Variants in SNTG2 observed in about 807,000 individuals in gnomAD.
The protein encoded by SNTG2 is syntrophin gamma 2, also known as gamma-2-syntrophin.
A neutral mutation model predicts 70.9 loss-of-function variants in SNTG2; 74 were observed. That is an observed-to-expected ratio of 1.04 (90% CI 0.86 to 1.27). SNTG2 has a LOEUF of 1.27. Ranked by LOEUF, SNTG2 falls within the 50% of genes most tolerant of loss-of-function variation. The pLI, the probability that SNTG2 is intolerant of heterozygous loss-of-function variation, is 0.00. For missense variants in SNTG2, 717 were observed against 690.7 expected, an observed-to-expected ratio of 1.04 and a Z score of -0.43; for synonymous variants, 278 against 273.8, an observed-to-expected ratio of 1.02 and a Z score of -0.15.
At chr2:1,062,128 AGCTT>A (rs2148115711) in intron 1 of SNTG2, among the ~76,000 whole-genome samples, 1 of 152,308 alleles carries the variant, frequency 6.6e-6, no homozygotes, top group South Asian at 2.1e-4. Context: ...GAAAATAAAA[AGCTT>A]AATTAGAGGG....
rs564136586 is a variant in SNTG2, at chr2:1,083,758, T to C, written c.210+103T>C. ...AGAATGATTGCTGAGCAAAAGCTGC[T>C]ACTCGTTATTTAAATATCCCCAACT... is the stretch of plus-strand genomic sequence containing the variant. On this transcript the variant is annotated intron_variant, in intron 2 of 16. Transcript: ENST00000308624. The C allele has an allele frequency of 1.0e-5, 13 of 1,267,760 alleles. No individual in the cohort carries two copies. In the South Asian group the frequency reaches 1.8e-4, roughly 17 times the overall value. 78.5% of individuals were successfully genotyped at this position (1,267,760 alleles called of 1,614,324 possible). A position where few individuals can be genotyped will look rare whatever the true frequency, so the allele number is the denominator to read the frequency against.
chr2:1,292,916 A>G (rs1191457102), intron 14 of SNTG2, among the ~76,000 whole-genome samples: 1 of 152,200 alleles, frequency 6.6e-6, no homozygotes, highest in Admixed American at 6.5e-5. Flanking sequence ...TTTGAGAAGG[A>G]TTGGTGTTAA....
intron 1 of SNTG2, among the ~76,000 whole-genome samples, chr2:1,034,401 G>A (rs940747919): frequency 3.9e-5 from 6 of 152,076 alleles, no homozygotes; most frequent in Non-Finnish European, 5.9e-5. Context: ...TGTGAATAGC[G>A]CTGCATTGAA....
At chr2:972,382 G>C (rs1558286843) in intron 1 of SNTG2, among the ~76,000 whole-genome samples, 1 of 152,146 alleles carries the variant, frequency 6.6e-6, no homozygotes, top group Non-Finnish European at 1.5e-5. Flanking sequence ...CATTGTATGA[G>C]GTCCTTCTTT....
chr2:1,158,792 AATC>A (rs1670072441), intron 6 of SNTG2, among the ~76,000 whole-genome samples: 1 of 152,176 alleles, frequency 6.6e-6, no homozygotes, highest in Admixed American at 6.5e-5. Context: ...TGTCGTTGCC[AATC>A]GTGGTAAGTC....
chr2:1,332,218 T>C (rs1659570473), intron 16 of SNTG2, among the ~76,000 whole-genome samples: 1 of 152,230 alleles, frequency 6.6e-6, no homozygotes, highest in South Asian at 2.1e-4. Context: ...GACATTAAGA[T>C]GAATTGGCCA....
chr2:1,323,303 AGCCCT>A (rs1276215369), intron 16 of SNTG2, among the ~76,000 whole-genome samples: 1 of 152,228 alleles, frequency 6.6e-6, no homozygotes, highest in Non-Finnish European at 1.5e-5. Flanking sequence ...GCAGAAGTGA[AGCCCT>A]GACCACAGCT....
intron 6 of SNTG2, among the ~76,000 whole-genome samples, chr2:1,143,406 A>C (rs1668880189): frequency 1.3e-5 from 2 of 152,068 alleles, no homozygotes; most frequent in Non-Finnish European, 1.5e-5. Flanking sequence ...CTGCAGCTTT[A>C]AGCAGCCCTC....
chr2:1,287,176 C>G (rs1679798171), intron 14 of SNTG2, among the ~76,000 whole-genome samples: 2 of 152,200 alleles, frequency 1.3e-5, no homozygotes, highest in Admixed American at 1.3e-4. Flanking sequence ...TTCCTTCCTT[C>G]TGTCTAAACA....
At chr2:1,033,987 A>C (rs1295299044) in intron 1 of SNTG2, among the ~76,000 whole-genome samples, 1 of 152,116 alleles carries the variant, frequency 6.6e-6, no homozygotes, top group African/African-American at 2.4e-5. Context: ...TCTTTTTAAA[A>C]ATATATTTTT....
At chr2:1,352,719 C>T (rs934872548) in intron 16 of SNTG2, among the ~76,000 whole-genome samples, 1 of 152,260 alleles carries the variant, frequency 6.6e-6, no homozygotes, top group African/African-American at 2.4e-5. Context: ...TCAGATTCTA[C>T]TTCAAGTGCC....
At position 1,209,243 on chromosome 2, in the gene SNTG2, T is replaced by C. The variant is rs1408697965; in HGVS notation, c.719+13T>C. ...CGGAAAAATTAAGGTGTGTGACCATTGTCTGAGATGGGAAACTTTGATGAA... is the reference window on the plus strand; with the variant it reads ...CGGAAAAATTAAGGTGTGTGACCATCGTCTGAGATGGGAAACTTTGATGAA... On this transcript the variant is annotated intron_variant, in intron 9 of 16. Coordinates refer to ENST00000308624, the MANE Select transcript of SNTG2 (RefSeq NM_018968.4). 1 of 1,613,718 alleles carries C rather than the reference T, an allele frequency of 6.2e-7. No individual in the cohort carries two copies. The highest frequency in any genetic ancestry group is 8.5e-7 in the Non-Finnish European group (1 of 1,179,784).
rs186170640 is a variant in SNTG2, at chr2:982,183, C to G, written c.72+31115C>G. Among the ~76,000 whole-genome samples, 302 of 152,326 alleles carry G rather than the reference C, an allele frequency of 2.0e-3. 1 individual carries two copies. Among genetic ancestry groups the G allele is most frequent in the African/African-American group, 7.0e-3 (290 of 41,576 alleles). ...GTCACTCACCTGTGTTGGCAAAGCC[C>G]TAAATAGAATCCTGCTCTCCTTGTT... On this transcript the variant is annotated intron_variant, in intron 1 of 16. Transcript: ENST00000308624.
intron 4 of SNTG2, among the ~76,000 whole-genome samples, chr2:1,126,447 G>A (rs1335408742): frequency 6.6e-6 from 1 of 152,208 alleles, no homozygotes; most frequent in African/African-American, 2.4e-5. Flanking sequence ...CAATTAACAT[G>A]GGGTGCAGAT....
chr2:1,182,492 G>A (rs1349267824), intron 8 of SNTG2, among the ~76,000 whole-genome samples: 14 of 152,020 alleles, frequency 9.2e-5, no homozygotes, highest in Non-Finnish European at 1.5e-5. Flanking sequence ...TGAGAAACTT[G>A]TAAATAATAG....
chr2:1,309,392 C>T (rs1572959063), intron 15 of SNTG2, among the ~76,000 whole-genome samples: 1 of 152,374 alleles, frequency 6.6e-6, no homozygotes, highest in Middle Eastern at 3.4e-3. Context: ...TCTGAGAAGC[C>T]TCTCACTGTG....
intron 4 of SNTG2, among the ~76,000 whole-genome samples, chr2:1,104,738 G>A (rs941209757): frequency 1.3e-5 from 2 of 152,176 alleles, no homozygotes; most frequent in Non-Finnish European, 2.9e-5. Context: ...CTCAGCTTAC[G>A]GTGGTTTGAG....
chr2:1,304,758 T>C (rs1263822079), intron 14 of SNTG2, among the ~76,000 whole-genome samples: 1 of 151,812 alleles, frequency 6.6e-6, no homozygotes, highest in Non-Finnish European at 1.5e-5. Flanking sequence ...GTTTTATTTC[T>C]GGTATTCTTA....
chr2:1,220,650 T>G (rs1042251873), intron 9 of SNTG2, among the ~76,000 whole-genome samples: 1 of 152,228 alleles, frequency 6.6e-6, no homozygotes, highest in African/African-American at 2.4e-5. Flanking sequence ...GATAGAAGAT[T>G]AGGGTGTTCA....
Sources: allele counts gnomAD v4.1 joint callset (sites outside exome capture counted in the v4.1 genomes callset), GRCh38; gene constraint gnomAD v4.1.1; transcripts MANE v1.5; gene names NCBI Gene and HGNC (gene_info 2026-07-23, HGNC 2026-07-21).